Variants in CEP295 observed in about 807,000 individuals in gnomAD.
CEP295 encodes the protein centrosomal protein of 295 kDa.
CEP295 carries 190 observed loss-of-function variants against 291.6 expected under a neutral mutation model. That is an observed-to-expected ratio of 0.65 (90% CI 0.58 to 0.73). The LOEUF is 0.73. CEP295 is among the 30% of genes least tolerant of loss of function. The probability of loss-of-function intolerance (pLI) is 0.00; values close to 1 mark genes in which losing one functional copy is unlikely to be tolerated. For missense variants in CEP295, 2,863 were observed against 2,949.4 expected (o/e 0.97, Z 0.68); for synonymous variants, 993 against 1,038.8 (o/e 0.96, Z 0.85).
rs926588510 is a variant in CEP295, at chr11:93,668,818, T to C, written c.320T>C (p.Leu107Ser). The change falls in exon 4 of 30, where the codon TTG becomes TCG. Residue 107 changes from leucine to serine, a missense_variant. Leu to Ser is a moderately radical substitution (Grantham distance 145). This residue lies in a region of CEP295 where 554 missense variants were observed against 576.0 expected (regional missense o/e 0.96). Coordinates refer to ENST00000325212, the MANE Select transcript of CEP295 (RefSeq NM_033395.2). Reference protein sequence around the residue: ...HRQAKENEPDLDALAQRAAER... With the variant: ...HRQAKENEPDSDALAQRAAER... ...AATATATATTTTTAGGAACCTGATTTGGATGCTTTGGCACAGCGGGCAGCA... is the reference window on the plus strand; with the variant it reads ...AATATATATTTTTAGGAACCTGATTCGGATGCTTTGGCACAGCGGGCAGCA... 6.6e-7 allele frequency: 1 copy of C among 1,521,504 alleles called. No homozygotes were observed. The highest frequency in any genetic ancestry group is 1.4e-5 in the African/African-American group (1 of 71,158). The allele number at this position is 1,521,504 out of a possible 1,614,324, so 94.3% of individuals were successfully genotyped here.
At chr11:93,716,042 C>T (rs896549295) in intron 18 of CEP295, among the ~76,000 whole-genome samples, 17 of 152,096 alleles carry the variant, frequency 1.1e-4, no homozygotes, top group African/African-American at 3.9e-4. Context: ...CTGAGCCCAG[C>T]ACAGCACTAG....
chr11:93,729,363 A>C (rs932991807), intron 25 of CEP295, 71 bp from the exon 26 acceptor site: 3 of 1,048,478 alleles, frequency 2.9e-6, no homozygotes, highest in South Asian at 2.7e-5. Flanking sequence ...GCTGCACTCT[A>C]ATCTGACAGC....
intron 23 of CEP295, 133 bp downstream of exon 23, chr11:93,725,964 TTTAAA>T: frequency 1.5e-6 from 1 of 661,254 alleles, no homozygotes; most frequent in Non-Finnish European, 2.5e-6. Flanking sequence ...TTAAAAAATA[TTTAAA>T]TTACAGAAGT....
chr11:93,669,103 G>A (rs1228667764), intron 4 of CEP295, among the ~76,000 whole-genome samples, 171 bp downstream of exon 4: 1 of 152,100 alleles, frequency 6.6e-6, no homozygotes, highest in East Asian at 1.9e-4. Flanking sequence ...TTGCTTAGGT[G>A]AACATAGTAA....
intron 17 of CEP295, among the ~76,000 whole-genome samples, chr11:93,703,536 G>A (rs909653535): frequency 1.8e-4 from 27 of 149,816 alleles, no homozygotes; most frequent in African/African-American, 5.9e-4. Context: ...TTCCTTTCAT[G>A]TCTGCCTTCT....
chr11:93,691,010 C>T (rs892862333), intron 10 of CEP295, among the ~76,000 whole-genome samples: 1 of 152,194 alleles, frequency 6.6e-6, no homozygotes, highest in African/African-American at 2.4e-5. Flanking sequence ...GAAATTTCAT[C>T]TTGCCCAGAT....
rs769990783 is a variant in CEP295 at position 93,697,383 on chromosome 11, C to T, written c.2471C>T (p.Ser824Phe). 1.9e-5 allele frequency: 29 copies of T among 1,552,008 alleles called. No individual in the cohort carries two copies. Among genetic ancestry groups the T allele is most frequent in the Non-Finnish European group, 2.4e-5 (27 of 1,147,090 alleles). ...AAAAGTACAGTTTCCACAAGCCATT[C>T]TATAATCAGCCAAATGCATGATAGG... is the stretch of plus-strand genomic sequence containing the variant. ...MSKSTVSTSH[S>F]IISQMHDRPL... Residue 824 changes from serine to phenylalanine, a missense_variant, in exon 15 of 30, where the codon TCT becomes TTT. By Grantham distance (155) the Ser-to-Phe change is radical. Around this residue, in one of 3 missense-constraint regions of CEP295, gnomAD observed 2,295 missense variants for 2,335.7 expected, o/e 0.98. Coordinates refer to ENST00000325212, the MANE Select transcript of CEP295 (RefSeq NM_033395.2).
chr11:93,696,613 T>G, intron 14 of CEP295, 69 bp from the exon 15 acceptor site: 1 of 1,370,418 alleles, frequency 7.3e-7, no homozygotes, highest in Admixed American at 2.8e-5. Flanking sequence ...TTGTTAAATT[T>G]AATGTATAGA....
intron 1 of CEP295, among the ~76,000 whole-genome samples, chr11:93,665,638 A>ACCT (rs1228729364): frequency 6.6e-6 from 1 of 152,158 alleles, no homozygotes; most frequent in Non-Finnish European, 1.5e-5. Context: ...AACTCAGGAG[A>ACCT]CGGAGGTTGT....
intron 7 of CEP295, among the ~76,000 whole-genome samples, chr11:93,681,132 G>A (rs1228585538): frequency 6.6e-6 from 1 of 152,130 alleles, no homozygotes; most frequent in Non-Finnish European, 1.5e-5. Context: ...AGTTAAGCAA[G>A]TGGGCTTCAC....
chr11:93,725,499 G>T (rs1313787252), intron 22 of CEP295, among the ~76,000 whole-genome samples, 152 bp from the exon 23 acceptor site: 2 of 152,124 alleles, frequency 1.3e-5, no homozygotes, highest in Non-Finnish European at 2.9e-5. Context: ...CTTTCATATT[G>T]ATTGAAAAGA....
At chr11:93,724,131 G>C (rs1174471856) in intron 21 of CEP295, 123 bp from the exon 22 acceptor site, 7 of 852,972 alleles carry the variant, frequency 8.2e-6, no homozygotes, top group South Asian at 1.9e-5. Context: ...TGTTACACTG[G>C]AGTTACCTGA....
intron 10 of CEP295, among the ~76,000 whole-genome samples, chr11:93,690,849 C>T (rs1367532805): frequency 6.6e-6 from 1 of 150,944 alleles, no homozygotes; most frequent in African/African-American, 2.4e-5. Flanking sequence ...CTCTCAGTTT[C>T]TTGAATGGGC....
Position 93,698,186 on chromosome 11 carries a change from A to T in CEP295, c.3274A>T (p.Ser1092Cys), listed in dbSNP as rs563283092. The T allele has an allele frequency of 6.4e-7, 1 of 1,552,068 alleles. No homozygotes were observed. Among genetic ancestry groups the T allele is most frequent in the African/African-American group, 1.4e-5 (1 of 73,178 alleles). ...ACATAGACAAAGAGATTTGGGGGAC[A>T]GTAAGTCTGGGCTGGTGAGCTCTTC... The part of the protein sequence containing the change: ...LLHRQRDLGD[S>C]KSGLVSSSSS... The change falls in exon 15 of 30, where the codon AGT (serine) becomes TGT (cysteine). Residue 1092 changes from serine to cysteine, a missense_variant. Around this residue, in one of 3 missense-constraint regions of CEP295, gnomAD observed 2,295 missense variants for 2,335.7 expected, o/e 0.98. Transcript: ENST00000325212.
At chr11:93,679,670 G>A in intron 7 of CEP295, 118 bp downstream of exon 7, 1 of 722,264 alleles carries the variant, frequency 1.4e-6, no homozygotes, top group African/African-American at 1.8e-5. Flanking sequence ...TATAGTCTCT[G>A]ATTCATATGA....
At position 93,727,478 on chromosome 11, in the gene CEP295, T is replaced by G. The variant is rs756334237; in HGVS notation, c.7002T>G (p.Ile2334Met). ...GAACAGTGGAGATGGGAACTTCAATTCAGGCACCATATTCCTTAACTACTC... is the reference window on the plus strand; with the variant it reads ...GAACAGTGGAGATGGGAACTTCAATGCAGGCACCATATTCCTTAACTACTC... ...CVRTVEMGTSIQAPYSLTTQN... is the reference protein window; with the variant it reads ...CVRTVEMGTSMQAPYSLTTQN... Residue 2334 changes from isoleucine (I) to methionine (M), a missense_variant, in exon 24 of 30, where the codon ATT (isoleucine) becomes ATG (methionine). Around this residue, in one of 3 missense-constraint regions of CEP295, gnomAD observed 2,295 missense variants for 2,335.7 expected, o/e 0.98. Transcript: ENST00000325212. The G allele has an allele frequency of 1.2e-5, 18 of 1,551,870 alleles. No homozygotes were observed. The African/African-American group carries it at 2.2e-4, about 19-fold the overall frequency.
In CEP295 at chr11:93,730,014, G is replaced by GTGTT. The variant is rs1491418201; in HGVS notation, c.7668-31_7668-28dup. ...TTTTTTTAGTGATTCACTTTTTGCA[G>GTGTT]TGTTTGTCTCTAATTCTATATAAAT... On this transcript the variant is annotated intron_variant, in intron 28 of 29. Coordinates refer to ENST00000325212, the MANE Select transcript of CEP295 (RefSeq NM_033395.2). 5.4e-6 allele frequency: 8 copies of GTGTT among 1,495,162 alleles called. No homozygotes were observed. The South Asian group carries it at 1.0e-4, about 19-fold the overall frequency. 92.6% of individuals were successfully genotyped at this position (1,495,162 alleles called of 1,614,324 possible). A position where few individuals can be genotyped will look rare whatever the true frequency, so the allele number is the denominator to read the frequency against.
intron 23 of CEP295, 94 bp downstream of exon 23, chr11:93,725,925 C>T: frequency 1.0e-6 from 1 of 961,950 alleles, no homozygotes; most frequent in South Asian, 1.5e-5. Flanking sequence ...GGTTTGTCTT[C>T]ACCCCTGCTC....
chr11:93,682,375 C>T (rs771799038), intron 7 of CEP295, among the ~76,000 whole-genome samples: 22 of 152,240 alleles, frequency 1.4e-4, no homozygotes, highest in Non-Finnish European at 2.9e-4. Context: ...AGGCGCATGC[C>T]GTCACGCCCT....
Sources: gnomAD v4.1 joint callset for allele counts (sites outside exome capture counted in the v4.1 genomes callset) on GRCh38, gnomAD v4.1.1 for gene constraint, gnomAD v4.1.1 regional missense constraint, MANE v1.5 for transcripts, NCBI Gene and HGNC (gene_info 2026-07-23, HGNC 2026-07-21) for gene names.